The following ANXA4 variants were observed in gnomAD, a reference collection of about 807,000 sequenced individuals.
The protein encoded by ANXA4 is annexin A4, also known as 35-beta calcimedin.
A neutral mutation model predicts 49.8 loss-of-function variants in ANXA4; 39 were observed. The observed-to-expected ratio is 0.78, with a 90% CI of 0.61 to 1.02. ANXA4 has a LOEUF of 1.02. Among genes scored for constraint, ANXA4 ranks in the 50% least tolerant of loss-of-function variants. The pLI is 0.00. For synonymous variants in ANXA4, 134 were observed against 152.5 expected (o/e 0.88, Z 0.89); for missense variants, 360 against 410.1 (o/e 0.88, Z 1.05).
At chr2:69,743,376 C>T (rs1670480272) in intron 1 of ANXA4, among the ~76,000 whole-genome samples, 1 of 148,592 alleles carries the variant, frequency 6.7e-6, no homozygotes, top group African/African-American at 2.6e-5. Flanking sequence ...TGCCAACACG[C>T]CTGGCTAATT....
chr2:69,804,137 CA>C lies in ANXA4; in HGVS notation c.98-374del, dbSNP rs377321563. ...TGGGTGACAGAGTGAGACTTTCTCT[CA>C]AAAAAAAAAAAAAAAAAAAAATATT... On this transcript the variant is annotated intron_variant, in intron 3 of 12. Coordinates refer to ENST00000394295, the MANE Select transcript of ANXA4 (RefSeq NM_001153.5). Among the ~76,000 whole-genome samples, 772 of 88,840 alleles carry C rather than the reference CA, an allele frequency of 8.7e-3. 5 individuals carry two copies. Among genetic ancestry groups the C allele is most frequent in the South Asian group, 0.04 (105 of 2,658 alleles). 58.3% of individuals were successfully genotyped at this position (88,840 alleles called of 152,430 possible). A position where few individuals can be genotyped will look rare whatever the true frequency, so the allele number is the denominator to read the frequency against.
chr2:69,787,912 T>C, intron 2 of ANXA4, 142 bp from the exon 3 acceptor site: 1 of 666,100 alleles, frequency 1.5e-6, no homozygotes, highest in South Asian at 1.8e-5. Flanking sequence ...AAGAGCTTAA[T>C]TTTTCATGGT....
intron 3 of ANXA4, among the ~76,000 whole-genome samples, chr2:69,804,137 CAA>C (rs377321563): frequency 0.26 from 22,602 of 88,122 alleles, 1,475 homozygotes; most frequent in South Asian, 0.33. Context: ...GACTTTCTCT[CAA>C]AAAAAAAAAA....
At chr2:69,778,221 G>A (rs1014644348) in intron 1 of ANXA4, among the ~76,000 whole-genome samples, 5 of 152,160 alleles carry the variant, frequency 3.3e-5, no homozygotes, top group Non-Finnish European at 7.4e-5. Flanking sequence ...TCATCTCGCC[G>A]AAATCAGAAA....
chr2:69,700,585 C>T (rs1265913563), intron 2 of ANXA4, among the ~76,000 whole-genome samples: 6 of 152,128 alleles, frequency 3.9e-5, no homozygotes, highest in East Asian at 1.9e-4. Flanking sequence ...TTTAGAAATG[C>T]GTACACATGG....
chr2:69,814,795 A>T (rs6725322), intron 8 of ANXA4: 2,780 of 42,524 alleles, frequency 0.065, 80 homozygotes, highest in East Asian at 0.12. Flanking sequence ...TGTGTGTGTG[A>T]GAGAAAGAGA....
At chr2:69,805,166 T>C (rs536426051) in intron 4 of ANXA4, among the ~76,000 whole-genome samples, 3 of 152,122 alleles carry the variant, frequency 2.0e-5, no homozygotes, top group Non-Finnish European at 2.9e-5. Flanking sequence ...TAAACATCTT[T>C]AGAATTTGGT....
chr2:69,697,353 GAA>G (rs1402378401), intron 2 of ANXA4, among the ~76,000 whole-genome samples: 3 of 152,226 alleles, frequency 2.0e-5, no homozygotes, highest in Admixed American at 6.5e-5. Context: ...TCGCAGGATT[GAA>G]AAGAGTTTAG....
At chr2:69,676,551 T>A (rs955866249) in intron 2 of ANXA4, among the ~76,000 whole-genome samples, 13 of 152,234 alleles carry the variant, frequency 8.5e-5, no homozygotes, top group African/African-American at 3.1e-4. Flanking sequence ...TTTCTGGTTA[T>A]AAAAGTACAT....
chr2:69,663,679 A>G (rs1027695376), intron 2 of ANXA4, among the ~76,000 whole-genome samples: 1 of 152,110 alleles, frequency 6.6e-6, no homozygotes, highest in Non-Finnish European at 1.5e-5. Flanking sequence ...ATAAAAAAAG[A>G]ATACTCTAAA....
intron 1 of ANXA4, among the ~76,000 whole-genome samples, chr2:69,647,388 T>TTTTA (rs199943902): frequency 0.26 from 37,392 of 145,792 alleles, 4,981 homozygotes; most frequent in East Asian, 0.37. Flanking sequence ...TTTATTTTTA[T>TTTTA]TTTATTTATT....
At chr2:69,666,619 T>C (rs1676946073) in intron 2 of ANXA4, among the ~76,000 whole-genome samples, 1 of 152,124 alleles carries the variant, frequency 6.6e-6, no homozygotes, top group South Asian at 2.1e-4. Flanking sequence ...ATAAACAAAA[T>C]ATGGAATATT....
At chr2:69,749,794 G>A (rs988773604) in intron 1 of ANXA4, among the ~76,000 whole-genome samples, 4 of 151,760 alleles carry the variant, frequency 2.6e-5, no homozygotes, top group African/African-American at 9.7e-5. Flanking sequence ...GTGTGGTAGT[G>A]CACGCACATA....
chr2:69,818,553 CCT>C (rs2103882278), intron 9 of ANXA4, 44 bp from the exon 10 acceptor site: 3 of 1,307,642 alleles, frequency 2.3e-6, no homozygotes, highest in East Asian at 2.4e-5. Flanking sequence ...ATTTTAGTTT[CCT>C]CTGTTTTTTC....
chr2:69,766,927 G>A (rs973973828), intron 1 of ANXA4, among the ~76,000 whole-genome samples: 3 of 152,196 alleles, frequency 2.0e-5, no homozygotes, highest in Middle Eastern at 3.4e-3. Flanking sequence ...CTCTTTCTGG[G>A]GGGCAAGAAT....
At chr2:69,696,310 A>T (rs1266766914) in intron 2 of ANXA4, among the ~76,000 whole-genome samples, 1 of 152,232 alleles carries the variant, frequency 6.6e-6, no homozygotes, top group Non-Finnish European at 1.5e-5. Flanking sequence ...TTCTTTGCTC[A>T]TCCACAGAAA....
At chr2:69,695,535 A>G (rs1678132930) in intron 2 of ANXA4, among the ~76,000 whole-genome samples, 1 of 152,172 alleles carries the variant, frequency 6.6e-6, no homozygotes, top group Non-Finnish European at 1.5e-5. Flanking sequence ...ATAAAACAAC[A>G]CCCGCATGCT....
upstream of ANXA4, chr2:69,643,964 A>T: frequency 1.0e-6 from 1 of 988,510 alleles, no homozygotes; most frequent in African/African-American, 1.7e-5. Context: ...TGTTGATATC[A>T]CCCGAGCCGC....
chr2:69,754,764 C>G (rs947249000), intron 1 of ANXA4, among the ~76,000 whole-genome samples: 1 of 152,126 alleles, frequency 6.6e-6, no homozygotes, highest in Admixed American at 6.6e-5. Flanking sequence ...TCATGTGTAC[C>G]ACACACATCC....
Sources: allele counts gnomAD v4.1 joint callset (sites outside exome capture counted in the v4.1 genomes callset), GRCh38; gene constraint gnomAD v4.1.1; transcripts MANE v1.5; gene names NCBI Gene and HGNC (gene_info 2026-07-23, HGNC 2026-07-21).